CHLSN: variants seen among roughly 807,000 people sequenced by gnomAD.
CHLSN encodes the protein cholesin.
chr7:1,062,010 C>T, the CHLSN span, among the ~76,000 whole-genome samples: 1 of 152,250 alleles, frequency 6.6e-6, no homozygotes. Flanking sequence ...CTGCCCAACT[C>T]CCCAATTCTT....
chr7:1,094,323 C>T, the CHLSN span, among the ~76,000 whole-genome samples: 1 of 152,236 alleles, frequency 6.6e-6, no homozygotes, highest in African/African-American at 2.4e-5. Context: ...TCCGTCTTCA[C>T]AGAAACCTGC....
At chr7:1,009,536 C>T in the CHLSN span, among the ~76,000 whole-genome samples, 3 of 152,320 alleles carry the variant, frequency 2.0e-5, no homozygotes, top group South Asian at 4.1e-4. Context: ...CCACAATCCC[C>T]GTCTTCCCGC....
At chr7:1,080,272 T>C in the CHLSN span, among the ~76,000 whole-genome samples, 1 of 152,368 alleles carries the variant, frequency 6.6e-6, no homozygotes, top group South Asian at 2.1e-4. Context: ...AGCAGCTTTA[T>C]AATAGACACA....
the CHLSN span, among the ~76,000 whole-genome samples, chr7:1,110,496 G>C: frequency 6.6e-6 from 1 of 152,200 alleles, no homozygotes; most frequent in East Asian, 1.9e-4. Context: ...TGGGCAGCCT[G>C]AGCGCTCTTC....
At chr7:987,234 C>A in the CHLSN span, 1 of 1,532,932 alleles carries the variant, frequency 6.5e-7, no homozygotes, top group Non-Finnish European at 8.8e-7. Flanking sequence ...GGCCGGCACC[C>A]GGACGTGCAG....
chr7:1,124,619 C>T, the CHLSN span, among the ~76,000 whole-genome samples: 1 of 147,588 alleles, frequency 6.8e-6, no homozygotes, highest in South Asian at 2.1e-4. Context: ...TGCTAGATGA[C>T]GAGTTAGTGG....
the CHLSN span, among the ~76,000 whole-genome samples, chr7:1,096,814 A>C: frequency 6.6e-6 from 1 of 152,192 alleles, no homozygotes; most frequent in African/African-American, 2.4e-5. This position sits in a 1 kb window ranked among gnomAD's most constrained non-coding sequence, Gnocchi z 4.6. Context: ...CCTCCCACTC[A>C]GTGAGAAGCG....
chr7:1,092,349 T>A, the CHLSN span: 1 of 1,611,450 alleles, frequency 6.2e-7, no homozygotes, highest in East Asian at 2.2e-5. Context: ...CCTGCTTCTG[T>A]TTCGCGGATG....
the CHLSN span, among the ~76,000 whole-genome samples, chr7:1,042,430 T>C: frequency 6.6e-6 from 1 of 151,816 alleles, no homozygotes; most frequent in Non-Finnish European, 1.5e-5. Flanking sequence ...CCCCACCAAC[T>C]GAGTCTTGTA....
the CHLSN span, among the ~76,000 whole-genome samples, chr7:1,002,204 T>C: frequency 1.8e-4 from 13 of 74,112 alleles, no homozygotes; most frequent in South Asian, 5.8e-4. Context: ...GGGAGTCCTG[T>C]GGGTGAGTGG....
the CHLSN span, chr7:988,285 C>T: frequency 1.2e-4 from 186 of 1,591,972 alleles, no homozygotes; most frequent in East Asian, 2.5e-4. Context: ...AGGGCACGCC[C>T]GTGATTCCCC....
the CHLSN span, among the ~76,000 whole-genome samples, chr7:1,070,361 G>A: frequency 6.1e-5 from 8 of 130,824 alleles, 1 homozygote; most frequent in Non-Finnish European, 1.1e-4. Flanking sequence ...AGGTGGGGGG[G>A]TCAGCCCCCC....
the CHLSN span, among the ~76,000 whole-genome samples, chr7:991,627 C>T: frequency 6.6e-6 from 1 of 152,226 alleles, no homozygotes; most frequent in South Asian, 2.1e-4. Flanking sequence ...TGGGAAATGC[C>T]GGGGCTTGGC....
the CHLSN span, among the ~76,000 whole-genome samples, chr7:1,115,535 G>A: frequency 7.0e-6 from 1 of 142,602 alleles, no homozygotes; most frequent in Admixed American, 7.0e-5. Context: ...GCCCATGCAG[G>A]ATGACATCAC....
chr7:1,112,353 A>T, the CHLSN span, among the ~76,000 whole-genome samples: 20 of 152,236 alleles, frequency 1.3e-4, no homozygotes, highest in African/African-American at 4.6e-4. Context: ...CCGGGAGCCC[A>T]GTGCCAGCTA....
chr7:1,113,453 C>A, the CHLSN span, among the ~76,000 whole-genome samples: 1 of 152,166 alleles, frequency 6.6e-6, no homozygotes, highest in Non-Finnish European at 1.5e-5. Context: ...AGGTGTGCGA[C>A]CCACATGGCA....
chr7:1,044,374 G>A, the CHLSN span, among the ~76,000 whole-genome samples: 1 of 152,372 alleles, frequency 6.6e-6, no homozygotes, highest in South Asian at 2.1e-4. Flanking sequence ...CTGGTCTCAG[G>A]TTACACAACC....
the CHLSN span, among the ~76,000 whole-genome samples, chr7:1,056,998 C>A: frequency 1.3e-5 from 2 of 152,170 alleles, no homozygotes; most frequent in East Asian, 3.8e-4. Flanking sequence ...AGGTCACCCT[C>A]CCTGGAGCCC....
chr7:1,058,204 C>T, the CHLSN span: 58 of 748,520 alleles, frequency 7.7e-5, no homozygotes, highest in South Asian at 3.0e-4. Context: ...CTGGAGCCCT[C>T]GGCACACAGG....
Sources: gnomAD v4.1 joint callset for allele counts (sites outside exome capture counted in the v4.1 genomes callset) on GRCh38, gnomAD v4.1.1 for gene constraint, Gnocchi (gnomAD v3.1) non-coding constraint, MANE v1.5 for transcripts, NCBI Gene and HGNC (gene_info 2026-07-23, HGNC 2026-07-21) for gene names.